CNTLN: variants seen among roughly 807,000 people sequenced by gnomAD.
The protein encoded by CNTLN is centlein, centrosomal protein.
CNTLN carries 212 observed loss-of-function variants against 180.0 expected under a neutral mutation model. The observed-to-expected ratio is 1.18, with a 90% CI of 1.05 to 1.32. The LOEUF is 1.32. Among genes scored for constraint, CNTLN ranks in the 40% most tolerant of loss-of-function variants. The pLI is 0.00. For missense variants in CNTLN, 2,095 were observed against 1,610.9 expected, an observed-to-expected ratio of 1.30 and a Z score of -5.14; for synonymous variants, 722 against 563.1, an observed-to-expected ratio of 1.28 and a Z score of -3.99.
At chr9:17,153,912 A>G (rs562000956) in intron 2 of CNTLN, among the ~76,000 whole-genome samples, 2 of 152,210 alleles carry the variant, frequency 1.3e-5, no homozygotes, top group African/African-American at 4.8e-5. Flanking sequence ...TGGATCTTCA[A>G]TCAATGATAT....
chr9:17,260,235 C>G (rs372836078), intron 5 of CNTLN, among the ~76,000 whole-genome samples: 2 of 149,378 alleles, frequency 1.3e-5, no homozygotes, highest in African/African-American at 2.5e-5. Context: ...CGTTATGTAC[C>G]CAGTAGTCAT....
chr9:17,213,946 G>A (rs1823529118), intron 2 of CNTLN, among the ~76,000 whole-genome samples: 1 of 152,088 alleles, frequency 6.6e-6, no homozygotes, highest in Admixed American at 6.5e-5. Context: ...GCGTATGTGT[G>A]TCTTTGCAGG....
At chr9:17,147,226 C>T (rs928323030) in intron 2 of CNTLN, among the ~76,000 whole-genome samples, 1 of 152,152 alleles carries the variant, frequency 6.6e-6, no homozygotes, top group Admixed American at 6.5e-5. Flanking sequence ...GAGTTAGGTC[C>T]TTTAAGTCAG....
intron 13 of CNTLN, among the ~76,000 whole-genome samples, chr9:17,387,413 A>T (rs959179715): frequency 1.3e-5 from 2 of 152,186 alleles, no homozygotes; most frequent in Non-Finnish European, 2.9e-5. Context: ...AATTTATCTG[A>T]TAAGAAAAAA....
rs115368657 is a variant in CNTLN at position 17,377,438 on chromosome 9, G to T, written c.1987+10721G>T. Among the ~76,000 whole-genome samples, 482 of 152,236 alleles carry T rather than the reference G, an allele frequency of 3.2e-3. 6 individuals carry two copies. Among genetic ancestry groups the T allele is most frequent in the African/African-American group, 0.011 (461 of 41,542 alleles). ...TGCTTGTAATCCCAGCTACCTGGTAGGCTGAGACAGGATAATCCCTTGAAC... is the reference window on the plus strand; with the variant it reads ...TGCTTGTAATCCCAGCTACCTGGTATGCTGAGACAGGATAATCCCTTGAAC... On this transcript the variant is annotated intron_variant, in intron 13 of 25. Transcript: ENST00000380647.
At chr9:17,391,523 G>T (rs1482667623) in intron 14 of CNTLN, among the ~76,000 whole-genome samples, 3 of 152,046 alleles carry the variant, frequency 2.0e-5, no homozygotes, top group Admixed American at 1.3e-4. Flanking sequence ...TTGGTGTGTT[G>T]TATTCTGAGC....
intron 16 of CNTLN, among the ~76,000 whole-genome samples, chr9:17,409,831 T>C (rs937361366): frequency 6.6e-6 from 1 of 152,128 alleles, no homozygotes. Context: ...ACTAAATCTC[T>C]AAATTACTTA....
chr9:17,504,458 A>G (rs1833895035), downstream of CNTLN, among the ~76,000 whole-genome samples: 1 of 152,204 alleles, frequency 6.6e-6, no homozygotes, highest in Non-Finnish European at 1.5e-5. Context: ...CAAAAAAAGA[A>G]AATATGGTAG....
chr9:17,298,501 A>G, intron 7 of CNTLN, 149 bp downstream of exon 7: 2 of 1,326,634 alleles, frequency 1.5e-6, no homozygotes, highest in Non-Finnish European at 1.9e-6. Flanking sequence ...GGATGGTTCA[A>G]TTTGATAACA....
intron 14 of CNTLN, among the ~76,000 whole-genome samples, chr9:17,393,295 G>T (rs1826250686): frequency 1.3e-5 from 2 of 152,110 alleles, no homozygotes; most frequent in South Asian, 4.2e-4. Flanking sequence ...ATTTTGTGAG[G>T]GACACAAGTA....
At chr9:17,137,347 A>G (rs959553770) in intron 1 of CNTLN, among the ~76,000 whole-genome samples, 1 of 152,150 alleles carries the variant, frequency 6.6e-6, no homozygotes, top group East Asian at 1.9e-4. Flanking sequence ...TGAACTCCCA[A>G]TTGTTTTGTA....
chr9:17,175,318 A>C (rs1820653568), intron 2 of CNTLN, among the ~76,000 whole-genome samples: 1 of 152,082 alleles, frequency 6.6e-6, no homozygotes, highest in South Asian at 2.1e-4. Context: ...CTATTTGTTT[A>C]AGAAGAGATT....
At chr9:17,315,434 A>G (rs1049296847) in intron 8 of CNTLN, among the ~76,000 whole-genome samples, 1 of 151,958 alleles carries the variant, frequency 6.6e-6, no homozygotes, top group Non-Finnish European at 1.5e-5. Context: ...CAGTTTTTAT[A>G]TGATTTCAAT....
intron 13 of CNTLN, among the ~76,000 whole-genome samples, chr9:17,367,176 T>C (rs914177145): frequency 6.6e-6 from 1 of 152,134 alleles, no homozygotes; most frequent in Non-Finnish European, 1.5e-5. Context: ...GAGAGAGAAT[T>C]GTGCACTTAG....
chr9:17,343,617 T>C (rs2133226388), intron 12 of CNTLN, among the ~76,000 whole-genome samples: 1 of 152,296 alleles, frequency 6.6e-6, no homozygotes. Flanking sequence ...AACTATTTTA[T>C]AGACTCATAG....
In CNTLN at chr9:17,438,643, C is replaced by T. The variant is rs146972422; in HGVS notation, c.3115-18881C>T. 1.2e-3 allele frequency among the ~76,000 whole-genome samples: 180 copies of T among 152,220 alleles called. 2 individuals carry two copies. Among genetic ancestry groups the T allele is most frequent in the African/African-American group, 4.1e-3 (170 of 41,554 alleles). On this transcript the variant is annotated intron_variant, in intron 18 of 25. Transcript: ENST00000380647. ...GGATCTAAAATCAACAACAGCTTAT[C>T]GTTTGTAGCCAAATGGTAATTTGTT...
chr9:17,379,665 G>A (rs556172510), intron 13 of CNTLN, among the ~76,000 whole-genome samples: 1 of 152,192 alleles, frequency 6.6e-6, no homozygotes, highest in East Asian at 1.9e-4. Context: ...GGGAAAATCT[G>A]CTCCCTCTAA....
chr9:17,518,034 T>C, the CNTLN span, among the ~76,000 whole-genome samples: 10,473 of 120,062 alleles, frequency 0.087, 1,599 homozygotes, highest in African/African-American at 0.3. Flanking sequence ...CTTTTTCTTT[T>C]CCTTTTTTTT....
At chr9:17,391,335 C>T (rs188971987) in intron 14 of CNTLN, among the ~76,000 whole-genome samples, 102 of 152,174 alleles carry the variant, frequency 6.7e-4, no homozygotes, top group Middle Eastern at 3.4e-3. Flanking sequence ...TTATGGCTTG[C>T]TTTTGGGGAG....
Sources: allele counts gnomAD v4.1 joint callset (sites outside exome capture counted in the v4.1 genomes callset), GRCh38; gene constraint gnomAD v4.1.1; transcripts MANE v1.5; gene names NCBI Gene and HGNC (gene_info 2026-07-23, HGNC 2026-07-21).